Variants in KCND3 observed in about 807,000 individuals in gnomAD.
KCND3 encodes the protein A-type voltage-gated potassium channel KCND3.
In KCND3, 9 loss-of-function variants were observed where a neutral mutation model predicts 51.1. The observed-to-expected ratio is 0.18, with a 90% CI of 0.11 to 0.31. KCND3 has a LOEUF of 0.31. Ranked by LOEUF, KCND3 falls within the 10% of genes least tolerant of loss-of-function variation. The pLI is 1.00. For missense variants in KCND3, 526 were observed against 903.8 expected (o/e 0.58, Z 5.36); for synonymous variants, 349 against 368.0 (o/e 0.95, Z 0.59).
chr1:111,780,586 G>T lies in KCND3; in HGVS notation c.1371+104C>A, dbSNP rs770961657. ...AAAGTTTGGAAACGTGTCCTCCTTG[G>T]GGTTCATACTGGGGCTCTGGTGAGA... On this transcript the variant is annotated intron_variant, in intron 4 of 7. Transcript: ENST00000302127. The surrounding 1 kb of genome is among the most constrained non-coding windows in gnomAD (Gnocchi z 4.2). 4 of 1,034,274 alleles carry T rather than the reference G, an allele frequency of 3.9e-6. No homozygotes were observed. Among genetic ancestry groups the T allele is most frequent in the Non-Finnish European group, 5.9e-6 (4 of 677,374 alleles). 64.1% of individuals were successfully genotyped at this position (1,034,274 alleles called of 1,614,324 possible). A position where few individuals can be genotyped will look rare whatever the true frequency, so the allele number is the denominator to read the frequency against.
At chr1:111,913,538 C>T (rs1671061434) in intron 2 of KCND3, among the ~76,000 whole-genome samples, 1 of 152,144 alleles carries the variant, frequency 6.6e-6, no homozygotes, top group Non-Finnish European at 1.5e-5. Context: ...TATACCAGAA[C>T]AAAGTCCAAC....
intron 2 of KCND3, among the ~76,000 whole-genome samples, chr1:111,907,877 A>G (rs1359567193): frequency 6.6e-6 from 1 of 152,226 alleles, no homozygotes; most frequent in Non-Finnish European, 1.5e-5. Flanking sequence ...CTTTTTAACC[A>G]TTCTAATACT....
intron 2 of KCND3, among the ~76,000 whole-genome samples, chr1:111,976,139 G>A (rs923841943): frequency 6.6e-6 from 1 of 152,198 alleles, no homozygotes; most frequent in Non-Finnish European, 1.5e-5. Context: ...TATTCCCAGT[G>A]TCTAGTAGGT....
intron 2 of KCND3, among the ~76,000 whole-genome samples, chr1:111,958,688 C>T (rs941421350): frequency 2.0e-5 from 3 of 152,182 alleles, no homozygotes; most frequent in South Asian, 2.1e-4. Context: ...TTTATTCTAC[C>T]GCTCTGGAGC....
chr1:111,914,940 T>C (rs1413573286), intron 2 of KCND3, among the ~76,000 whole-genome samples: 1 of 152,210 alleles, frequency 6.6e-6, no homozygotes, highest in Non-Finnish European at 1.5e-5. Context: ...CACTGTATTG[T>C]TGGATTTATA....
intron 2 of KCND3, among the ~76,000 whole-genome samples, chr1:111,926,225 G>C (rs1261859206): frequency 6.6e-6 from 1 of 152,154 alleles, no homozygotes; most frequent in Non-Finnish European, 1.5e-5. Flanking sequence ...ACTGAGTTGG[G>C]GGACATTAGG....
chr1:111,879,469 T>C (rs1320834598), intron 2 of KCND3, among the ~76,000 whole-genome samples: 1 of 152,210 alleles, frequency 6.6e-6, no homozygotes, highest in African/African-American at 2.4e-5. Context: ...TATTTCTAGA[T>C]ATGGCCTGTT....
At chr1:111,980,623 T>G (rs999504590) in intron 2 of KCND3, among the ~76,000 whole-genome samples, 3 of 152,158 alleles carry the variant, frequency 2.0e-5, no homozygotes, top group Non-Finnish European at 4.4e-5. Context: ...GTATATGAAT[T>G]GTGGAGGGAT....
At position 111,780,942 on chromosome 1, in the gene KCND3, A is replaced by G; in HGVS notation, c.1270-151T>C. 1.4e-6 allele frequency: 1 copy of G among 720,624 alleles called. No individual in the cohort carries two copies. The highest frequency in any genetic ancestry group is 2.5e-6 in the Non-Finnish European group (1 of 404,104). The allele number at this position is 720,624 out of a possible 1,614,324, so 44.6% of individuals were successfully genotyped here. The stretch of plus-strand genomic sequence containing the variant: ...CAACCTCATGCATCTCCAGTTGTGT[A>G]CCCACTTTGTATAGCTTGGTTGGGT... On this transcript the variant is annotated intron_variant, in intron 3 of 7. Coordinates refer to ENST00000302127, the MANE Select transcript of KCND3 (RefSeq NM_001378969.1). This position sits in a 1 kb window ranked among gnomAD's most constrained non-coding sequence, Gnocchi z 4.2.
At position 111,844,520 on chromosome 1, in the gene KCND3, C is replaced by T. The variant is rs141269325; in HGVS notation, c.1107-57414G>A. Among the ~76,000 whole-genome samples, 24 of 152,238 alleles carry T rather than the reference C, an allele frequency of 1.6e-4. No individual in the cohort carries two copies. The East Asian group carries it at 2.7e-3, about 17-fold the overall frequency. ...TCATCCCAGCTGGCCCCAGGATCCA[C>T]GGGGACCACTCTAACAACAGCTGTC... On this transcript the variant is annotated intron_variant, in intron 2 of 7. Transcript: ENST00000302127.
intron 2 of KCND3, among the ~76,000 whole-genome samples, chr1:111,860,542 C>G (rs1306966262): frequency 6.6e-6 from 1 of 152,124 alleles, no homozygotes; most frequent in Admixed American, 6.5e-5. Flanking sequence ...CCCCCACCCC[C>G]CCAACTTGGG....
At chr1:111,860,642 A>G (rs1229895374) in intron 2 of KCND3, among the ~76,000 whole-genome samples, 1 of 152,196 alleles carries the variant, frequency 6.6e-6, no homozygotes, top group Admixed American at 6.5e-5. Context: ...CTGTGAAATC[A>G]TAGTGACAGT....
intron 2 of KCND3, among the ~76,000 whole-genome samples, chr1:111,860,421 T>C (rs977016243): frequency 6.6e-6 from 1 of 152,166 alleles, no homozygotes; most frequent in Non-Finnish European, 1.5e-5. Flanking sequence ...AAAAACTGGG[T>C]TGCTGACAGC....
chr1:111,967,302 C>G (rs1216884731), intron 2 of KCND3, among the ~76,000 whole-genome samples: 2 of 152,116 alleles, frequency 1.3e-5, no homozygotes, highest in Non-Finnish European at 2.9e-5. Context: ...GACCCTAAAT[C>G]TAGGATGTGT....
intron 2 of KCND3, among the ~76,000 whole-genome samples, chr1:111,807,769 C>T (rs779181092): frequency 1.3e-5 from 2 of 152,234 alleles, no homozygotes; most frequent in African/African-American, 4.8e-5. Context: ...GCTATATCAT[C>T]TAGGCTTGTG....
intron 2 of KCND3, among the ~76,000 whole-genome samples, chr1:111,896,828 T>C (rs1670135385): frequency 6.6e-6 from 1 of 152,206 alleles, no homozygotes; most frequent in African/African-American, 2.4e-5. Context: ...CTGTGGAACC[T>C]TAGACAAGTT....
At position 111,778,508 on chromosome 1, in the gene KCND3, C is replaced by A; in HGVS notation, c.1462-16G>T. On this transcript the variant is annotated splice_polypyrimidine_tract_variant and intron_variant, in intron 5 of 7. Coordinates refer to ENST00000302127, the MANE Select transcript of KCND3 (RefSeq NM_001378969.1). ...AGGACAACCCCTACAGGACAACATG[C>A]CAACAGAAGATAAAAACACCATTGA... 1 of 1,612,488 alleles carries A rather than the reference C, an allele frequency of 6.2e-7. No homozygotes were observed. Among genetic ancestry groups the A allele is most frequent in the Non-Finnish European group, 8.5e-7 (1 of 1,178,508 alleles).
intron 2 of KCND3, among the ~76,000 whole-genome samples, chr1:111,886,187 C>G (rs1669563779): frequency 6.6e-6 from 1 of 152,152 alleles, no homozygotes; most frequent in African/African-American, 2.4e-5. Context: ...TTTAGATGGT[C>G]ACAGGCCATT....
intron 2 of KCND3, among the ~76,000 whole-genome samples, chr1:111,789,244 C>T (rs1483882133): frequency 1.3e-5 from 2 of 152,232 alleles, no homozygotes; most frequent in African/African-American, 4.8e-5. Flanking sequence ...AGCCATGCCT[C>T]CTGCTGGGGC....
Sources: gnomAD v4.1 joint callset for allele counts (sites outside exome capture counted in the v4.1 genomes callset) on GRCh38, gnomAD v4.1.1 for gene constraint, Gnocchi (gnomAD v3.1) non-coding constraint, MANE v1.5 for transcripts, NCBI Gene and HGNC (gene_info 2026-07-23, HGNC 2026-07-21) for gene names.